The following TTC23L variants were observed in gnomAD, a reference collection of about 807,000 sequenced individuals.
TTC23L encodes tetratricopeptide repeat domain 23 like.
In TTC23L, 42 loss-of-function variants were observed where a neutral mutation model predicts 48.1. The ratio of observed to expected loss-of-function variants is 0.87; its 90% confidence interval spans 0.68 to 1.13. TTC23L has a LOEUF of 1.13. Ranked by LOEUF, TTC23L falls within the 50% of genes most tolerant of loss-of-function variation. The pLI is 0.00. For synonymous variants in TTC23L, 159 were observed against 157.2 expected, an observed-to-expected ratio of 1.01 and a Z score of -0.09; for missense variants, 391 against 421.0, an observed-to-expected ratio of 0.93 and a Z score of 0.62.
the TTC23L span, chr5:34,918,106 C>T: frequency 1.3e-5 from 3 of 225,564 alleles, no homozygotes; most frequent in Admixed American, 6.4e-5. Flanking sequence ...TGTTGGAGAC[C>T]AGCCTGGGCA....
At chr5:34,876,455 A>C (rs1024342028) in intron 8 of TTC23L, among the ~76,000 whole-genome samples, 11 of 152,322 alleles carry the variant, frequency 7.2e-5, no homozygotes, top group African/African-American at 2.6e-4. Flanking sequence ...CATTAATAGG[A>C]CAATAAAGGA....
the TTC23L span, chr5:34,913,828 C>A: frequency 3.8e-6 from 2 of 520,674 alleles, no homozygotes; most frequent in Non-Finnish European, 7.3e-6. Flanking sequence ...CTGCTAAGGT[C>A]ACTTGGAAAA....
At chr5:34,915,251 T>C in the TTC23L span, 26 of 307,576 alleles carry the variant, frequency 8.5e-5, no homozygotes, top group Admixed American at 4.8e-5. Flanking sequence ...GTCGGTTTTG[T>C]GCAGCCCGCG....
intron 3 of TTC23L, among the ~76,000 whole-genome samples, chr5:34,846,561 C>CAA (rs1156709677): frequency 0.13 from 4,239 of 31,466 alleles, 768 homozygotes; most frequent in African/African-American, 0.26. Flanking sequence ...GACTCTGTCT[C>CAA]AAAAAAAAAA....
the TTC23L span, chr5:34,918,567 G>C: frequency 2.8e-6 from 2 of 703,612 alleles, no homozygotes; most frequent in Non-Finnish European, 4.4e-6. Flanking sequence ...CATTTGTTCA[G>C]TGTTCTCACG....
At chr5:34,902,280 G>A (rs1763528077), downstream of TTC23L, 1 of 183,776 alleles carries the variant, frequency 5.4e-6, no homozygotes, top group Non-Finnish European at 1.2e-5. Context: ...GCTGGGCATG[G>A]TGGTGGGTGC....
chr5:34,877,067 C>T (rs923883167), intron 8 of TTC23L, among the ~76,000 whole-genome samples: 5 of 152,034 alleles, frequency 3.3e-5, no homozygotes, highest in African/African-American at 1.2e-4. Context: ...AAATCCTTAA[C>T]AAAACATCAG....
chr5:34,901,722 A>G (rs990853418), downstream of TTC23L, among the ~76,000 whole-genome samples: 1 of 152,262 alleles, frequency 6.6e-6, no homozygotes, highest in Non-Finnish European at 1.5e-5. Flanking sequence ...AGATCATGCA[A>G]TTGCACTCCA....
intron 4 of TTC23L, among the ~76,000 whole-genome samples, chr5:34,855,387 G>A (rs1461554370): frequency 1.3e-5 from 2 of 152,204 alleles, no homozygotes; most frequent in African/African-American, 2.4e-5. Context: ...AAATATCAAA[G>A]TGTACTTTTG....
the TTC23L span, among the ~76,000 whole-genome samples, chr5:34,919,274 CAAA>C: frequency 1.9e-3 from 69 of 35,964 alleles, no homozygotes; most frequent in African/African-American, 7.4e-3. Flanking sequence ...GACCCTGTCT[CAAA>C]AAAAAAAAAA....
chr5:34,897,850 A>G (rs1360018530), intron 10 of TTC23L, among the ~76,000 whole-genome samples: 1 of 152,222 alleles, frequency 6.6e-6, no homozygotes, highest in East Asian at 1.9e-4. Context: ...ACTTTAGGAC[A>G]TAAAGTCTTT....
intron 9 of TTC23L, among the ~76,000 whole-genome samples, chr5:34,894,141 ACT>A (rs1409567095): frequency 6.6e-6 from 1 of 152,040 alleles, no homozygotes; most frequent in Non-Finnish European, 1.5e-5. Flanking sequence ...GTAACCTTTG[ACT>A]CTGAAAGACC....
the TTC23L span, chr5:34,909,427 A>G: frequency 9.4e-7 from 1 of 1,067,138 alleles, no homozygotes; most frequent in Non-Finnish European, 1.4e-6. Flanking sequence ...AATAAAGAAA[A>G]CACTTCCTTA....
chr5:34,901,224 CA>C (rs200877282), downstream of TTC23L, among the ~76,000 whole-genome samples: 29 of 135,130 alleles, frequency 2.1e-4, no homozygotes, highest in South Asian at 7.2e-4. Flanking sequence ...CAAAAAACTC[CA>C]AAAAAAAAAA....
At chr5:34,905,624 C>T in the TTC23L span, 1 of 151,742 alleles carries the variant, frequency 6.6e-6, no homozygotes, top group Admixed American at 6.6e-5. Context: ...ACAGTAAGCA[C>T]CATTTTACTA....
the TTC23L span, among the ~76,000 whole-genome samples, chr5:34,924,341 G>T: frequency 2.0e-5 from 3 of 152,200 alleles, no homozygotes; most frequent in Non-Finnish European, 4.4e-5. Context: ...GGGTAGACAT[G>T]CCTGAACTAA....
At chr5:34,888,140 G>A (rs1561155833) in intron 9 of TTC23L, among the ~76,000 whole-genome samples, 1 of 152,282 alleles carries the variant, frequency 6.6e-6, no homozygotes. Flanking sequence ...CTTCCACCAT[G>A]TGAGTTTACA....
At chr5:34,854,956 A>T (rs1760000750) in intron 4 of TTC23L, among the ~76,000 whole-genome samples, 1 of 152,246 alleles carries the variant, frequency 6.6e-6, no homozygotes, top group Non-Finnish European at 1.5e-5. Context: ...TCTGGCAGAG[A>T]TGATAGATTC....
chr5:34,902,292 T>G, downstream of TTC23L: 1 of 194,560 alleles, frequency 5.1e-6, no homozygotes, highest in South Asian at 7.4e-5. Context: ...GGTGGGTGCC[T>G]GTAATCCCAG....
Sources: gnomAD v4.1 joint callset for allele counts (sites outside exome capture counted in the v4.1 genomes callset) on GRCh38, gnomAD v4.1.1 for gene constraint, MANE v1.5 for transcripts, NCBI Gene and HGNC (gene_info 2026-07-23, HGNC 2026-07-21) for gene names.